Variants in LUZP2 observed in about 807,000 individuals in gnomAD.
LUZP2 encodes leucine zipper protein 2.
LUZP2 carries 52 observed loss-of-function variants against 51.6 expected under a neutral mutation model. That is an observed-to-expected ratio of 1.01 (90% CI 0.81 to 1.27). LUZP2 has a LOEUF of 1.27. Among genes scored for constraint, LUZP2 ranks in the 50% most tolerant of loss-of-function variants. The probability of loss-of-function intolerance (pLI) is 0.00; values close to 1 mark genes in which losing one functional copy is unlikely to be tolerated. For synonymous variants in LUZP2, 154 were observed against 137.3 expected, an observed-to-expected ratio of 1.12 and a Z score of -0.85; for missense variants, 436 against 395.4, an observed-to-expected ratio of 1.10 and a Z score of -0.87.
intron 1 of LUZP2, among the ~76,000 whole-genome samples, chr11:24,579,337 A>G (rs1284364482): frequency 6.6e-6 from 1 of 152,126 alleles, no homozygotes; most frequent in African/African-American, 2.4e-5. Flanking sequence ...CCTATTTTGA[A>G]ACTTCAAGAC....
At chr11:24,578,897 C>A (rs1241432556) in intron 1 of LUZP2, among the ~76,000 whole-genome samples, 1 of 152,018 alleles carries the variant, frequency 6.6e-6, no homozygotes. Context: ...AGGTAACAAA[C>A]CTGCACATAT....
At chr11:24,632,581 G>A (rs1854933689) in intron 1 of LUZP2, among the ~76,000 whole-genome samples, 1 of 151,878 alleles carries the variant, frequency 6.6e-6, no homozygotes, top group Non-Finnish European at 1.5e-5. Context: ...TTATGTAAAT[G>A]TCCATTAATC....
At chr11:24,843,352 G>A (rs1851093751) in intron 5 of LUZP2, among the ~76,000 whole-genome samples, 1 of 151,832 alleles carries the variant, frequency 6.6e-6, no homozygotes, top group South Asian at 2.1e-4. Flanking sequence ...ATAAATATTG[G>A]GTGATTTTTT....
intron 2 of LUZP2, among the ~76,000 whole-genome samples, chr11:24,731,197 A>T (rs1298857735): frequency 2.0e-5 from 3 of 151,746 alleles, no homozygotes; most frequent in Non-Finnish European, 4.4e-5. Flanking sequence ...ACATTAGATT[A>T]AAAAATGTAT....
At chr11:24,664,487 G>C (rs1384636704) in intron 1 of LUZP2, among the ~76,000 whole-genome samples, 1 of 152,086 alleles carries the variant, frequency 6.6e-6, no homozygotes, top group African/African-American at 2.4e-5. Context: ...CATGACAAGG[G>C]GGGAAAATGT....
At chr11:25,067,260 T>A (rs1227828223) in intron 10 of LUZP2, among the ~76,000 whole-genome samples, 1 of 152,044 alleles carries the variant, frequency 6.6e-6, no homozygotes, top group African/African-American at 2.4e-5. Flanking sequence ...TTTAAGTTCT[T>A]TTTAGATTCT....
intron 1 of LUZP2, among the ~76,000 whole-genome samples, chr11:24,698,821 T>G (rs1161849540): frequency 6.6e-6 from 1 of 152,086 alleles, no homozygotes; most frequent in African/African-American, 2.4e-5. Context: ...TTTGGAAGGC[T>G]GAGGCAGGTG....
At chr11:24,602,116 A>ATGTGTATATG (rs1554961891) in intron 1 of LUZP2, among the ~76,000 whole-genome samples, 1 of 72,722 alleles carries the variant, frequency 1.4e-5, no homozygotes, top group Non-Finnish European at 2.9e-5. Flanking sequence ...ATGTGTATAT[A>ATGTGTATATG]TGTATATATG....
At chr11:25,049,994 AT>A in intron 9 of LUZP2, 43 bp from the exon 10 acceptor site, 2 of 1,143,900 alleles carry the variant, frequency 1.7e-6, no homozygotes, top group South Asian at 1.6e-5. Context: ...TTTCTCTTGT[AT>A]TTAGTGATTT....
intron 7 of LUZP2, among the ~76,000 whole-genome samples, chr11:24,974,809 T>C (rs1483870310): frequency 6.6e-6 from 1 of 151,974 alleles, no homozygotes; most frequent in Admixed American, 6.6e-5. Flanking sequence ...ATAAGGCCAG[T>C]ATATCCAAAG....
At chr11:24,812,567 C>A (rs1365076385) in intron 5 of LUZP2, among the ~76,000 whole-genome samples, 1 of 152,100 alleles carries the variant, frequency 6.6e-6, no homozygotes, top group African/African-American at 2.4e-5. Flanking sequence ...TAAATTATTC[C>A]TTAGCACATG....
At chr11:24,697,590 A>G (rs1372702413) in intron 1 of LUZP2, among the ~76,000 whole-genome samples, 1 of 152,180 alleles carries the variant, frequency 6.6e-6, no homozygotes, top group Non-Finnish European at 1.5e-5. Flanking sequence ...CAAGGGCGAT[A>G]ATAGCTCCTT....
intron 1 of LUZP2, among the ~76,000 whole-genome samples, chr11:24,673,021 C>T (rs1171973586): frequency 6.6e-6 from 1 of 152,110 alleles, no homozygotes; most frequent in Non-Finnish European, 1.5e-5. Context: ...TGTGTGCTCC[C>T]TATAAGAATC....
intron 1 of LUZP2, among the ~76,000 whole-genome samples, chr11:24,619,315 T>A (rs1046145485): frequency 6.6e-6 from 1 of 152,294 alleles, no homozygotes; most frequent in East Asian, 1.9e-4. Context: ...ATTATGGGTG[T>A]ATGTCACCCT....
chr11:24,685,748 G>A (rs1400062723), intron 1 of LUZP2, among the ~76,000 whole-genome samples: 1 of 152,076 alleles, frequency 6.6e-6, no homozygotes, highest in Non-Finnish European at 1.5e-5. Flanking sequence ...AATATTTCAG[G>A]ACAGAGATTA....
chr11:24,602,619 A>G (rs1422315631), intron 1 of LUZP2, among the ~76,000 whole-genome samples: 3 of 151,596 alleles, frequency 2.0e-5, no homozygotes, highest in African/African-American at 7.3e-5. Context: ...GAATTTTGAG[A>G]GTGACAATTT....
chr11:24,939,106 GGT>G (rs773279021), intron 7 of LUZP2, among the ~76,000 whole-genome samples: 1 of 151,654 alleles, frequency 6.6e-6, no homozygotes, highest in Non-Finnish European at 1.5e-5. Context: ...TGTAGACACT[GGT>G]GTGGTAGGAA....
intron 1 of LUZP2, among the ~76,000 whole-genome samples, chr11:24,571,616 G>T (rs920471354): frequency 6.6e-6 from 1 of 151,972 alleles, no homozygotes. Context: ...AATCAATAAA[G>T]AAATTAATAG....
At chr11:24,505,634 T>A (rs1377038640) in intron 1 of LUZP2, among the ~76,000 whole-genome samples, 1 of 152,262 alleles carries the variant, frequency 6.6e-6, no homozygotes, top group Admixed American at 6.5e-5. Flanking sequence ...CAAGTTAGAA[T>A]TGTTGATGAA....
Sources: allele counts gnomAD v4.1 joint callset (sites outside exome capture counted in the v4.1 genomes callset), GRCh38; gene constraint gnomAD v4.1.1; transcripts MANE v1.5; gene names NCBI Gene and HGNC (gene_info 2026-07-23, HGNC 2026-07-21).